Variants in UHRF1 observed in about 807,000 individuals in gnomAD.
The protein encoded by UHRF1 is ubiquitin like with PHD and ring finger domains 1.
Under a neutral mutation model 96.5 loss-of-function variants are expected in UHRF1, and 9 were observed. The ratio of observed to expected loss-of-function variants is 0.09; its 90% CI spans 0.06 to 0.16. UHRF1 has a LOEUF of 0.16. UHRF1 is among the 10% of genes least tolerant of loss of function. UHRF1 has a pLI of 1.00. For synonymous variants in UHRF1, 455 were observed against 469.9 expected (o/e 0.97, Z 0.41); for missense variants, 626 against 1,131.1 (o/e 0.55, Z 6.40).
At chr19:4,942,300 C>T (rs895920036) in intron 7 of UHRF1, among the ~76,000 whole-genome samples, 13 of 152,120 alleles carry the variant, frequency 8.5e-5, no homozygotes, top group African/African-American at 2.9e-4. Flanking sequence ...ACGCCATTCT[C>T]CTGCCTCAGC....
At chr19:4,949,473 G>GACACACACACACACACAC (rs10580944) in intron 11 of UHRF1, among the ~76,000 whole-genome samples, 4 of 147,742 alleles carry the variant, frequency 2.7e-5, no homozygotes, top group African/African-American at 1.0e-4. Context: ...TTGGCACATA[G>GACACACACACACACACAC]ACACACACAC....
At chr19:4,939,636 A>G (rs894265371) in intron 5 of UHRF1, among the ~76,000 whole-genome samples, 6 of 152,146 alleles carry the variant, frequency 3.9e-5, no homozygotes, top group East Asian at 1.9e-4. Flanking sequence ...GTGAGCTGGT[A>G]GGTCAGTGTG....
intron 2 of UHRF1, among the ~76,000 whole-genome samples, chr19:4,922,469 G>A (rs1054734384): frequency 4.6e-5 from 7 of 151,858 alleles, no homozygotes; most frequent in African/African-American, 1.7e-4. Context: ...GTTTTGCCAT[G>A]TTGGCCAGGC....
intron 2 of UHRF1, among the ~76,000 whole-genome samples, chr19:4,914,435 C>T (rs938061259): frequency 3.3e-5 from 5 of 152,028 alleles, no homozygotes; most frequent in African/African-American, 9.7e-5. Context: ...GGCCTAGCAG[C>T]CCAAGGTCTG....
At chr19:4,933,940 C>T (rs2033136769) in intron 5 of UHRF1, among the ~76,000 whole-genome samples, 1 of 141,328 alleles carries the variant, frequency 7.1e-6, no homozygotes, top group Admixed American at 7.4e-5. Context: ...AAAGCCTGTT[C>T]TTTCTCCCTT....
chr19:4,943,659 T>C (rs1350889808), intron 7 of UHRF1, among the ~76,000 whole-genome samples: 1 of 141,456 alleles, frequency 7.1e-6, no homozygotes, highest in Non-Finnish European at 1.5e-5. Context: ...ACCTGCTTTC[T>C]TTTTTTTTTG....
chr19:4,957,639 G>C (rs1255084787), intron 16 of UHRF1, among the ~76,000 whole-genome samples: 3 of 152,128 alleles, frequency 2.0e-5, no homozygotes, highest in Non-Finnish European at 4.4e-5. Context: ...CGATTGGTTT[G>C]GGGCCAGGAC....
In UHRF1 at chr19:4,941,776, G is replaced by A. The variant is rs1158604916; in HGVS notation, c.918G>A (p.Lys306=). The change falls in exon 7 of 17, where the codon AAG becomes AAA. Residue 306 remains lysine, a synonymous_variant. Coordinates refer to ENST00000650932, the MANE Select transcript of UHRF1 (RefSeq NM_001048201.3). ...GCGGGCCGTCCTGCAAGCACTGCAA[G>A]GACGACGTGAACAGACTCTGCCGGG... ...RKSGPSCKHC[K]DDVNRLCRVC... The A allele has an allele frequency of 1.3e-5, 21 of 1,565,150 alleles. No individual in the cohort carries two copies. The highest frequency in any genetic ancestry group is 1.9e-5 in the Admixed American group (1 of 51,618).
intron 16 of UHRF1, 80 bp from the exon 17 acceptor site, chr19:4,960,577 C>T (rs1568188023): frequency 1.3e-6 from 2 of 1,556,524 alleles, no homozygotes; most frequent in Non-Finnish European, 1.7e-6. Context: ...TGAGACTGTC[C>T]CCACAGTCCT....
intron 2 of UHRF1, among the ~76,000 whole-genome samples, chr19:4,924,967 C>T (rs1409341162): frequency 6.6e-6 from 1 of 151,770 alleles, no homozygotes; most frequent in Non-Finnish European, 1.5e-5. Context: ...GCTGGGACTA[C>T]AGGCGCGTGC....
upstream of UHRF1, among the ~76,000 whole-genome samples, chr19:4,906,731 C>T (rs2032071382): frequency 6.6e-6 from 1 of 151,924 alleles, no homozygotes; most frequent in Admixed American, 6.6e-5. Flanking sequence ...GCAGGCTGGG[C>T]ACCAAAGCAA....
chr19:4,925,805 A>AG (rs1363044533), intron 2 of UHRF1, among the ~76,000 whole-genome samples: 2 of 152,032 alleles, frequency 1.3e-5, no homozygotes, highest in Non-Finnish European at 2.9e-5. Context: ...GACAGGCGTG[A>AG]GCCACCGCAC....
intron 4 of UHRF1, among the ~76,000 whole-genome samples, chr19:4,932,446 T>G (rs2033082808): frequency 6.6e-6 from 1 of 152,208 alleles, no homozygotes; most frequent in African/African-American, 2.4e-5. Flanking sequence ...TTAATATGAT[T>G]TCATCTGCAA....
chr19:4,946,824 C>T (rs1249674968), intron 10 of UHRF1, among the ~76,000 whole-genome samples: 2 of 152,168 alleles, frequency 1.3e-5, no homozygotes, highest in Admixed American at 1.3e-4. Context: ...GATCCTCCCG[C>T]TGCAGCCTCC....
At chr19:4,933,397 T>A (rs1047546819) in intron 5 of UHRF1, among the ~76,000 whole-genome samples, 2 of 152,134 alleles carry the variant, frequency 1.3e-5, no homozygotes, top group Non-Finnish European at 2.9e-5. Context: ...TTTGTATTTT[T>A]AGTAGAGACG....
chr19:4,954,672 G>T lies in UHRF1; in HGVS notation c.1980G>T (p.Gly660=). 1 of 1,613,124 alleles carries T rather than the reference G, an allele frequency of 6.2e-7. No individual in the cohort carries two copies. Among genetic ancestry groups the T allele is most frequent in the Non-Finnish European group, 8.5e-7 (1 of 1,179,552 alleles). ...KSAGGGPSRA[G]SPRRTSKKTK... is the part of the protein sequence containing the mutation. ...CAGGAGGTGGCCCGAGCAGGGCCGGGTCCCCGCGCCGGACATCCAAGAAAA... is the reference window on the plus strand; with the variant it reads ...CAGGAGGTGGCCCGAGCAGGGCCGGTTCCCCGCGCCGGACATCCAAGAAAA... The change falls in exon 15 of 17, where the codon GGG becomes GGT. Residue 660 remains glycine (G), a synonymous_variant. Transcript: ENST00000650932. This position sits in a 1 kb window ranked among gnomAD's most constrained non-coding sequence, Gnocchi z 5.9.
chr19:4,937,630 T>C (rs1470710215), intron 5 of UHRF1, among the ~76,000 whole-genome samples: 1 of 152,090 alleles, frequency 6.6e-6, no homozygotes, highest in African/African-American at 2.4e-5. Context: ...TCCCAAAGTG[T>C]TAGGATTATA....
chr19:4,909,802 C>T (rs2032179206), intron 1 of UHRF1, 147 bp downstream of exon 1: 1 of 439,924 alleles, frequency 2.3e-6, no homozygotes, highest in Non-Finnish European at 4.0e-6. Context: ...TCCACCTAAC[C>T]CTCGGGAATC....
At chr19:4,926,522 A>G (rs1298694088) in intron 2 of UHRF1, among the ~76,000 whole-genome samples, 3 of 152,024 alleles carry the variant, frequency 2.0e-5, no homozygotes, top group African/African-American at 7.2e-5. Context: ...TACATATTCA[A>G]ACGGGTTTTT....
Sources: allele counts gnomAD v4.1 joint callset (sites outside exome capture counted in the v4.1 genomes callset), GRCh38; gene constraint gnomAD v4.1.1; non-coding constraint Gnocchi (gnomAD v3.1); transcripts MANE v1.5; gene names NCBI Gene and HGNC (gene_info 2026-07-23, HGNC 2026-07-21).